The following DLC1 variants were observed in gnomAD, a reference collection of about 807,000 sequenced individuals.
The protein encoded by DLC1 is DLC1 Rho GTPase activating protein, also known as rho GTPase-activating protein 7.
In DLC1, 54 loss-of-function variants were observed where a neutral mutation model predicts 140.3. The observed-to-expected ratio is 0.38, with a 90% CI of 0.31 to 0.48. The LOEUF (loss-of-function observed/expected upper bound fraction) is 0.48. DLC1 is among the 20% of genes least tolerant of loss of function. The probability of loss-of-function intolerance (pLI) is 0.96; values close to 1 mark genes in which losing one functional copy is unlikely to be tolerated. For missense variants in DLC1, 2,536 were observed against 1,907.0 expected (o/e 1.33, Z -6.14); for synonymous variants, 986 against 728.1 (o/e 1.35, Z -5.70).
rs1487289216 is a variant in DLC1 at position 13,506,567 on chromosome 8, A to ATGTGTG, written c.-125-6377_-125-6372dup. ...TGGACACACACACACACACACACACATGTGTGTGTGTGTGTATATATATAT... is the reference window on the plus strand; with the variant it reads ...TGGACACACACACACACACACACACATGTGTGTGTGTGTGTGTGTGTATATATATAT... On this transcript the variant is annotated intron_variant, in intron 1 of 17. Transcript: ENST00000276297. Among the ~76,000 whole-genome samples, 663 of 111,428 alleles carry ATGTGTG rather than the reference A, an allele frequency of 6.0e-3. 15 individuals carry two copies. Among genetic ancestry groups the ATGTGTG allele is most frequent in the African/African-American group, 0.022 (603 of 27,938 alleles). 73.1% of individuals were successfully genotyped at this position (111,428 alleles called of 152,430 possible).
At position 13,499,682 on chromosome 8, in the gene DLC1, G is replaced by C. The variant is rs1192823653; in HGVS notation, c.390C>G (p.Thr130=). Residue 130 remains threonine, a synonymous_variant, in exon 2 of 18, where the codon ACC becomes ACG. Transcript: ENST00000276297. ...CLTDDKQVLN[T]QGQKTSGQHM... is the part of the protein sequence containing the mutation. The stretch of plus-strand genomic sequence containing the variant: ...GTTGGCCTGATGTTTTCTGCCCTTG[G>C]GTATTTAAAACCTGTTTATCATCTG... 3 of 1,614,036 alleles carry C rather than the reference G, an allele frequency of 1.9e-6. No homozygotes were observed. Among genetic ancestry groups the C allele is most frequent in the Non-Finnish European group, 1.7e-6 (2 of 1,179,984 alleles).
At chr8:13,470,061 A>G (rs73208055) in intron 2 of DLC1, among the ~76,000 whole-genome samples, 41,826 of 151,978 alleles carry the variant, frequency 0.28, 6,996 homozygotes, top group Middle Eastern at 0.43. Flanking sequence ...TCAGCCACCC[A>G]TTCAACCTTA....
At chr8:13,148,758 A>G (rs1318169050) in intron 5 of DLC1, among the ~76,000 whole-genome samples, 1 of 152,100 alleles carries the variant, frequency 6.6e-6, no homozygotes, top group East Asian at 1.9e-4. Context: ...CTTGACAGCA[A>G]ACACCTAGCT....
chr8:13,579,949 A>T (rs1805024251), intron 1 of DLC1, among the ~76,000 whole-genome samples: 1 of 151,788 alleles, frequency 6.6e-6, no homozygotes, highest in Non-Finnish European at 1.5e-5. Flanking sequence ...ACAGGATAGG[A>T]GTTATTCCTC....
intron 2 of DLC1, among the ~76,000 whole-genome samples, chr8:13,481,877 G>C (rs2117120892): frequency 6.6e-6 from 1 of 152,174 alleles, no homozygotes; most frequent in Non-Finnish European, 1.5e-5. Flanking sequence ...TATGGACATA[G>C]TCACACACAC....
chr8:13,385,961 G>C (rs946037546), intron 4 of DLC1, among the ~76,000 whole-genome samples: 2 of 152,202 alleles, frequency 1.3e-5, no homozygotes, highest in Admixed American at 1.3e-4. Context: ...TGTGAAAATG[G>C]CTTACCAGTT....
chr8:13,556,973 G>A (rs1585271714), intron 1 of DLC1, among the ~76,000 whole-genome samples: 1 of 152,278 alleles, frequency 6.6e-6, no homozygotes, highest in East Asian at 1.9e-4. Flanking sequence ...CAGACAGTTA[G>A]CAATTTATTA....
At chr8:13,124,545 G>C (rs1821392891) in intron 5 of DLC1, among the ~76,000 whole-genome samples, 1 of 152,228 alleles carries the variant, frequency 6.6e-6, no homozygotes, top group African/African-American at 2.4e-5. Context: ...ATGTAAAACA[G>C]CTTTGCACCT....
intron 2 of DLC1, among the ~76,000 whole-genome samples, chr8:13,441,924 T>C (rs1798527273): frequency 6.6e-6 from 1 of 152,182 alleles, no homozygotes. Flanking sequence ...AGAACAAAGC[T>C]GGAGGCATCA....
At chr8:13,283,683 T>C (rs1272478502) in intron 5 of DLC1, among the ~76,000 whole-genome samples, 2 of 152,158 alleles carry the variant, frequency 1.3e-5, no homozygotes, top group African/African-American at 4.8e-5. Context: ...CCTGGCTTAT[T>C]TTTTAATGTT....
intron 5 of DLC1, among the ~76,000 whole-genome samples, chr8:13,136,406 C>T (rs1822562546): frequency 6.6e-6 from 1 of 152,144 alleles, no homozygotes. Flanking sequence ...CAGTGTTTAG[C>T]TCCCACTTAT....
At chr8:13,103,982 C>T (rs1385936793) in intron 7 of DLC1, among the ~76,000 whole-genome samples, 1 of 151,692 alleles carries the variant, frequency 6.6e-6, no homozygotes, top group African/African-American at 2.4e-5. Flanking sequence ...GAAATCAAAA[C>T]TCAAATTTAA....
intron 1 of DLC1, among the ~76,000 whole-genome samples, chr8:13,565,078 T>C (rs1483552063): frequency 2.6e-5 from 4 of 152,192 alleles, no homozygotes; most frequent in African/African-American, 7.2e-5. Flanking sequence ...TTGATAAATA[T>C]AGTACTGTTG....
chr8:13,151,705 T>G (rs1823827217), intron 5 of DLC1, among the ~76,000 whole-genome samples: 1 of 152,202 alleles, frequency 6.6e-6, no homozygotes, highest in Non-Finnish European at 1.5e-5. Context: ...ACCCAAGTAT[T>G]TTTCAAATGT....
chr8:13,505,462 G>C (rs1273117359), intron 1 of DLC1, among the ~76,000 whole-genome samples: 2 of 152,250 alleles, frequency 1.3e-5, no homozygotes, highest in African/African-American at 4.8e-5. Flanking sequence ...TGCTAAGAAA[G>C]TCTTATCTCT....
At chr8:13,464,764 ATT>A (rs535096024) in intron 2 of DLC1, among the ~76,000 whole-genome samples, 1,455 of 60,084 alleles carry the variant, frequency 0.024, 13 homozygotes, top group South Asian at 0.035. Flanking sequence ...ATATATATAT[ATT>A]TATATATATA....
intron 1 of DLC1, among the ~76,000 whole-genome samples, chr8:13,571,150 A>G (rs1804640218): frequency 6.6e-6 from 1 of 152,218 alleles, no homozygotes. Flanking sequence ...TACGAACACC[A>G]AAGATAGTTT....
chr8:13,393,393 A>G lies in DLC1; in HGVS notation c.1314+160T>C, dbSNP rs570074639. Among the ~76,000 whole-genome samples, 3 of 152,240 alleles carry G rather than the reference A, an allele frequency of 2.0e-5. No individual in the cohort carries two copies. In the South Asian group the frequency reaches 6.2e-4, roughly 32 times the overall value. ...TGTTATCATTTATAAAACAAAAAAC[A>G]TTTTTCTAGGGTTGTACTTAATTAA... On this transcript the variant is annotated intron_variant, in intron 4 of 17. Transcript: ENST00000276297.
At chr8:13,122,960 CT>C (rs1821225578) in intron 5 of DLC1, among the ~76,000 whole-genome samples, 1 of 152,146 alleles carries the variant, frequency 6.6e-6, no homozygotes, top group South Asian at 2.1e-4. Context: ...TACATTTTCC[CT>C]TTCACTATTT....
Sources: gnomAD v4.1 joint callset for allele counts (sites outside exome capture counted in the v4.1 genomes callset) on GRCh38, gnomAD v4.1.1 for gene constraint, MANE v1.5 for transcripts, NCBI Gene and HGNC (gene_info 2026-07-23, HGNC 2026-07-21) for gene names.